The following ATP6V0A2 variants were observed in gnomAD, a reference collection of about 807,000 sequenced individuals.
ATP6V0A2 encodes the protein ATPase H+ transporting V0 subunit a2.
ATP6V0A2 carries 58 observed loss-of-function variants against 104.4 expected under a neutral mutation model. The observed-to-expected ratio is 0.56, with a 90% confidence interval of 0.45 to 0.69. The LOEUF is 0.69. ATP6V0A2 is among the 30% of genes least tolerant of loss of function. ATP6V0A2 has a pLI of 0.00. For missense variants in ATP6V0A2, 938 were observed against 1,062.9 expected, an observed-to-expected ratio of 0.88 and a Z score of 1.63; for synonymous variants, 376 against 397.9, an observed-to-expected ratio of 0.95 and a Z score of 0.65.
At chr12:123,753,890 G>A (rs780353444) in intron 17 of ATP6V0A2, 28 of 157,606 alleles carry the variant, frequency 1.8e-4, no homozygotes, top group Non-Finnish European at 3.5e-4. Context: ...TAGGATCATA[G>A]AGAAACAAAA....
At chr12:123,751,074 C>A in intron 15 of ATP6V0A2, 36 bp from the exon 16 acceptor site, 1 of 1,613,858 alleles carries the variant, frequency 6.2e-7, no homozygotes, top group Non-Finnish European at 8.5e-7. Context: ...CAGGCCTTCA[C>A]GTTTTAATCG....
chr12:123,754,167 C>T, intron 17 of ATP6V0A2: 1 of 593,854 alleles, frequency 1.7e-6, no homozygotes, highest in East Asian at 2.8e-5. Flanking sequence ...ACAGGGGAGT[C>T]TGAGGCGTGC....
At position 123,748,762 on chromosome 12, in the gene ATP6V0A2, A is replaced by T. The variant is rs2135914689; in HGVS notation, c.1912A>T (p.Thr638Ser). 1 of 1,614,142 alleles carries T rather than the reference A, an allele frequency of 6.2e-7. No individual in the cohort carries two copies. The highest frequency in any genetic ancestry group is 2.2e-5 in the East Asian group (1 of 44,886). ...INMFLFPASK[T>S]SGLYTGQEYV... ...CATGTTTTTATTCCCAGCCAGTAAA[A>T]CAAGTGGCCTTTACACAGGGCAGGT... Residue 638 changes from threonine (T) to serine (S), a missense_variant, in exon 15 of 20, where the codon ACA (threonine) becomes TCA (serine). By Grantham distance (58) the Thr-to-Ser change is moderately conservative (BLOSUM62 1). Transcript: ENST00000330342.
chr12:123,718,634 C>A lies in ATP6V0A2; in HGVS notation c.129C>A (p.Asn43Lys). 6.2e-7 allele frequency: 1 copy of A among 1,611,322 alleles called. No individual in the cohort carries two copies. Among genetic ancestry groups the A allele is most frequent in the South Asian group, 1.1e-5 (1 of 90,726 alleles). The change falls in exon 2 of 20, where the codon AAC (asparagine) becomes AAA (lysine). Residue 43 changes from asparagine (N) to lysine (K), a missense_variant. Asn to Lys is a moderately conservative substitution (Grantham distance 94). Transcript: ENST00000330342. ...CATCCTTTTCTCAGCTCAACCAGAA[C>A]GTAAGTTCTTTCCAAAGAAAATTTG... Reference protein sequence around the residue: ...GLVQFRDLNQNVSSFQRKFVG... With the variant: ...GLVQFRDLNQKVSSFQRKFVG...
rs11339028 is a variant in ATP6V0A2, at chr12:123,733,313, C to CA, written c.649-594dup. The CA allele has an allele frequency of 6.1e-3, 621 of 102,090 alleles. 7 individuals carry two copies. Among genetic ancestry groups the CA allele is most frequent in the African/African-American group, 0.022 (546 of 24,672 alleles). The allele number at this position is 102,090 out of a possible 1,614,324, so 6.3% of individuals were successfully genotyped here. On this transcript the variant is annotated intron_variant, in intron 6 of 19. Coordinates refer to ENST00000330342, the MANE Select transcript of ATP6V0A2 (RefSeq NM_012463.4). ...GGGCACCAAGAGAGAGACTCTGTCT[C>CA]AAAAAAAAAAAAAAAAAAAGTCACT...
At chr12:123,737,480 C>T (rs1376570124) in intron 9 of ATP6V0A2, 3 of 553,448 alleles carry the variant, frequency 5.4e-6, no homozygotes, top group Non-Finnish European at 6.5e-6. Flanking sequence ...AACTCCTGGC[C>T]CCGAGCGATC....
At chr12:123,722,274 T>A (rs1187214098) in intron 2 of ATP6V0A2, 77 bp from the exon 3 acceptor site, 3 of 975,252 alleles carry the variant, frequency 3.1e-6, no homozygotes, top group Non-Finnish European at 4.9e-6. Flanking sequence ...TGGGAAACAT[T>A]GGGCTTTAAA....
At chr12:123,737,303 C>A in intron 9 of ATP6V0A2, 32 bp downstream of exon 9, 1 of 1,601,018 alleles carries the variant, frequency 6.2e-7, no homozygotes, top group Non-Finnish European at 8.6e-7. Flanking sequence ...CTGCCAGGAA[C>A]AGAAGAGAGA....
chr12:123,728,819 G>A (rs566949389), intron 6 of ATP6V0A2, among the ~76,000 whole-genome samples: 2 of 151,294 alleles, frequency 1.3e-5, no homozygotes, highest in South Asian at 2.1e-4. Context: ...TTCCATTACT[G>A]GTCATGGTCC....
chr12:123,744,750 C>T lies in ATP6V0A2; in HGVS notation c.1480C>T (p.Pro494Ser). 3 of 1,614,168 alleles carry T rather than the reference C, an allele frequency of 1.9e-6. No homozygotes were observed. Among genetic ancestry groups the T allele is most frequent in the Non-Finnish European group, 1.7e-6 (2 of 1,180,012 alleles). The change falls in exon 12 of 20, where the codon CCA becomes TCA. Residue 494 changes from proline (P) to serine (S), a missense_variant. Physicochemically the swap from Pro to Ser is moderately conservative, Grantham distance 74 (BLOSUM62 -1). Transcript: ENST00000330342. The surrounding 1 kb of genome is among the most constrained non-coding windows in gnomAD (Gnocchi z 5.4). ...NVSAMYSSSHPPAEHKKMVLW... is the reference protein window; with the variant it reads ...NVSAMYSSSHSPAEHKKMVLW... ...GTCGGCCATGTACAGCTCCAGCCAC[C>T]CACCCGCAGAGCATAAGAAGATGGT...
Position 123,758,688 on chromosome 12 carries a change from T to A in ATP6V0A2, c.*656T>A, listed in dbSNP as rs1956786127. The A allele has an allele frequency of 6.6e-6, 1 of 151,956 alleles. No individual in the cohort carries two copies. Among genetic ancestry groups the A allele is most frequent in the Non-Finnish European group, 1.5e-5 (1 of 68,034 alleles). 9.4% of individuals were successfully genotyped at this position (151,956 alleles called of 1,614,324 possible). On this transcript the variant is annotated 3_prime_UTR_variant, in exon 20 of 20. Coordinates refer to ENST00000330342, the MANE Select transcript of ATP6V0A2 (RefSeq NM_012463.4). ...GGCATGCGCCACCGTGACCAGCTAA[T>A]TTTTTTGTATTTTTGTAGAGATGGG...
chr12:123,735,690 C>G (rs1465135678), intron 8 of ATP6V0A2, 66 bp downstream of exon 8: 1 of 1,298,314 alleles, frequency 7.7e-7, no homozygotes, highest in Non-Finnish European at 1.1e-6. Context: ...CGTATATTTT[C>G]TCTCTTTTTT....
At chr12:123,753,290 C>T (rs959834031) in intron 17 of ATP6V0A2, among the ~76,000 whole-genome samples, 3 of 152,142 alleles carry the variant, frequency 2.0e-5, no homozygotes, top group Admixed American at 2.0e-4. Flanking sequence ...ACTGCGTTCT[C>T]AGTCCCCTGG....
At position 123,743,904 on chromosome 12, in the gene ATP6V0A2, T is replaced by C. The variant is rs751710968; in HGVS notation, c.1158T>C (p.Tyr386=). The C allele has an allele frequency of 5.0e-6, 8 of 1,614,118 alleles. No homozygotes were observed. Among genetic ancestry groups the C allele is most frequent in the Non-Finnish European group, 5.9e-6 (7 of 1,180,052 alleles). ...GATTTCAGAACATCGTGGATGCTTA[T>C]GGAGTCGGAAGCTACAGAGAAGTCA... ...TEGFQNIVDA[Y]GVGSYREVNP... The change falls in exon 10 of 20, where the codon TAT becomes TAC. Residue 386 remains tyrosine (Y), a synonymous_variant. Coordinates refer to ENST00000330342, the MANE Select transcript of ATP6V0A2 (RefSeq NM_012463.4).
At chr12:123,729,808 A>G (rs1956483569) in intron 6 of ATP6V0A2, among the ~76,000 whole-genome samples, 1 of 151,778 alleles carries the variant, frequency 6.6e-6, no homozygotes, top group African/African-American at 2.4e-5. Flanking sequence ...GCTGTGATTG[A>G]TTGATTGATT....
At chr12:123,754,080 C>A in intron 17 of ATP6V0A2, 1 of 424,708 alleles carries the variant, frequency 2.4e-6, no homozygotes, top group East Asian at 3.8e-5. Flanking sequence ...TTCATAATTA[C>A]TGAGACCTGC....
At position 123,725,022 on chromosome 12, in the gene ATP6V0A2, G is replaced by A. The variant is rs539177939; in HGVS notation, c.432+231G>A. 2.0e-3 allele frequency among the ~76,000 whole-genome samples: 297 copies of A among 152,158 alleles called. 1 individual carries two copies. The highest frequency in any genetic ancestry group is 3.5e-3 in the Non-Finnish European group (239 of 67,994). On this transcript the variant is annotated intron_variant, in intron 4 of 19. Transcript: ENST00000330342. ...ACAATCTCGGCTCACTGCACCCTCCGCCTTCCGGGTTCAAGAGATTGTCCT... is the reference window on the plus strand; with the variant it reads ...ACAATCTCGGCTCACTGCACCCTCCACCTTCCGGGTTCAAGAGATTGTCCT...
chr12:123,735,163 G>GTGTGTC (rs763476646), intron 7 of ATP6V0A2, among the ~76,000 whole-genome samples: 1 of 128,990 alleles, frequency 7.8e-6, no homozygotes, highest in Non-Finnish European at 1.7e-5. Context: ...GTGTGTGTGT[G>GTGTGTC]TGTCTGTGTG....
rs1405573311 is a variant in ATP6V0A2, at chr12:123,718,685, G to C, written c.180G>C (p.Glu60Asp). ...TTGGTGAGGTGAAGAGGTGTGAAGA[G>C]CTAGAGCGAATATTGGGTAAGTTTA... is the stretch of plus-strand genomic sequence containing the variant. Reference protein sequence around the residue: ...KFVGEVKRCEELERILVYLVQ... With the variant: ...KFVGEVKRCEDLERILVYLVQ... The change falls in exon 2 of 20, where the codon GAG becomes GAC. Residue 60 changes from glutamate (E) to aspartate (D), a missense_variant. Glu to Asp is a conservative substitution (Grantham distance 45). Coordinates refer to ENST00000330342, the MANE Select transcript of ATP6V0A2 (RefSeq NM_012463.4). 1 of 1,611,070 alleles carries C rather than the reference G, an allele frequency of 6.2e-7. No homozygotes were observed. Among genetic ancestry groups the C allele is most frequent in the Admixed American group, 1.7e-5 (1 of 59,936 alleles).
Sources: allele counts gnomAD v4.1 joint callset (sites outside exome capture counted in the v4.1 genomes callset), GRCh38; gene constraint gnomAD v4.1.1; non-coding constraint Gnocchi (gnomAD v3.1); transcripts MANE v1.5; gene names NCBI Gene and HGNC (gene_info 2026-07-23, HGNC 2026-07-21).